Variants in SCAI observed in about 807,000 individuals in gnomAD.
SCAI encodes suppressor of cancer cell invasion, also known as protein SCAI.
In SCAI, 24 loss-of-function variants were observed where a neutral mutation model predicts 92.2. The observed-to-expected ratio is 0.26, with a 90% CI of 0.19 to 0.37. The LOEUF (loss-of-function observed/expected upper bound fraction) is 0.37. Among genes scored for constraint, SCAI ranks in the 10% least tolerant of loss-of-function variants. The pLI is 1.00. For missense variants in SCAI, 450 were observed against 736.2 expected (o/e 0.61, Z 4.50); for synonymous variants, 261 against 258.6 (o/e 1.01, Z -0.09).
intron 2 of SCAI, among the ~76,000 whole-genome samples, chr9:125,105,231 A>G (rs564125095): frequency 8.5e-5 from 13 of 152,238 alleles, no homozygotes; most frequent in Admixed American, 1.3e-4. Flanking sequence ...GCTACTCAGG[A>G]GGCTGAGGCA....
At chr9:125,052,874 A>T (rs557487481) in intron 3 of SCAI, among the ~76,000 whole-genome samples, 167 of 39,000 alleles carry the variant, frequency 4.3e-3, no homozygotes, top group African/African-American at 0.015. Context: ...AAAACCACCA[A>T]GAGACACCAT....
At chr9:125,042,432 C>A (rs894869549) in intron 3 of SCAI, among the ~76,000 whole-genome samples, 1 of 152,012 alleles carries the variant, frequency 6.6e-6, no homozygotes, top group African/African-American at 2.4e-5. Flanking sequence ...TTGATCCCTA[C>A]GTACACCTAA....
At chr9:124,994,032 G>A (rs973364449) in intron 14 of SCAI, among the ~76,000 whole-genome samples, 1 of 147,626 alleles carries the variant, frequency 6.8e-6, no homozygotes, top group Non-Finnish European at 1.5e-5. Context: ...TTTCACTGCT[G>A]GCATTTTTTT....
chr9:124,978,588 G>A (rs1831809577), intron 14 of SCAI, among the ~76,000 whole-genome samples: 1 of 152,172 alleles, frequency 6.6e-6, no homozygotes, highest in African/African-American at 2.4e-5. Context: ...TAACTTGGCA[G>A]CATCTATTAC....
intron 3 of SCAI, among the ~76,000 whole-genome samples, chr9:125,055,661 T>C (rs910227329): frequency 2.6e-5 from 4 of 152,180 alleles, no homozygotes; most frequent in African/African-American, 9.7e-5. Flanking sequence ...ATAGCTCTTT[T>C]TAAGTTGACT....
chr9:124,982,509 T>TA (rs1830289300), intron 14 of SCAI, among the ~76,000 whole-genome samples: 1 of 151,568 alleles, frequency 6.6e-6, no homozygotes, highest in Admixed American at 6.6e-5. Context: ...CCATCTCTAC[T>TA]AAAAATAAAA....
intron 3 of SCAI, among the ~76,000 whole-genome samples, chr9:125,038,996 C>A (rs569237320): frequency 7.2e-5 from 11 of 152,296 alleles, no homozygotes; most frequent in Non-Finnish European, 1.2e-4. Context: ...TATACCCGGC[C>A]AACTGATCTT....
At chr9:125,003,275 A>G in intron 10 of SCAI, 60 bp from the exon 11 acceptor site, 5 of 1,327,736 alleles carry the variant, frequency 3.8e-6, no homozygotes, top group South Asian at 1.2e-5. Context: ...TGAATTATCA[A>G]TATCTATTTT....
intron 17 of SCAI, among the ~76,000 whole-genome samples, chr9:124,966,612 C>T (rs568712680): frequency 1.4e-4 from 22 of 151,814 alleles, no homozygotes; most frequent in African/African-American, 5.3e-4. Context: ...TCATGATATA[C>T]CTTTTTCTTA....
intron 2 of SCAI, among the ~76,000 whole-genome samples, chr9:125,088,955 AC>A (rs1346057988): frequency 2.0e-5 from 3 of 151,950 alleles, no homozygotes; most frequent in African/African-American, 7.3e-5. Flanking sequence ...CAGTTGCATC[AC>A]CCCCCTACTT....
chr9:125,063,103 C>CT (rs1564398184), intron 2 of SCAI, among the ~76,000 whole-genome samples: 2 of 82,072 alleles, frequency 2.4e-5, no homozygotes, highest in African/African-American at 8.4e-5. Context: ...TAACCCCCCA[C>CT]CCCCCCCAGA....
At chr9:125,116,099 C>T (rs1302516960) in intron 2 of SCAI, among the ~76,000 whole-genome samples, 3 of 152,004 alleles carry the variant, frequency 2.0e-5, no homozygotes, top group African/African-American at 7.3e-5. Flanking sequence ...GCAGGAGAAT[C>T]GCTTGAACCT....
chr9:125,079,358 C>A (rs1387641241), intron 2 of SCAI, among the ~76,000 whole-genome samples: 2 of 152,002 alleles, frequency 1.3e-5, no homozygotes, highest in African/African-American at 4.8e-5. Context: ...AAATTGTGAG[C>A]CTTTTTATTG....
At chr9:125,085,175 T>C (rs1339537862) in intron 2 of SCAI, among the ~76,000 whole-genome samples, 2 of 152,200 alleles carry the variant, frequency 1.3e-5, no homozygotes, top group African/African-American at 4.8e-5. Flanking sequence ...ATCAATAGAC[T>C]TTAAAAGGTT....
chr9:125,135,433 A>G (rs553940197), intron 2 of SCAI, among the ~76,000 whole-genome samples: 14 of 137,168 alleles, frequency 1.0e-4, no homozygotes, highest in Admixed American at 5.0e-4. Flanking sequence ...AGGCGGATCA[A>G]TTGAGGCCAG....
chr9:125,092,688 C>CG (rs1429049078), intron 2 of SCAI, among the ~76,000 whole-genome samples: 1 of 152,232 alleles, frequency 6.6e-6, no homozygotes, highest in Non-Finnish European at 1.5e-5. Context: ...CTTCTTGCAG[C>CG]ATCACCAATG....
intron 2 of SCAI, among the ~76,000 whole-genome samples, chr9:125,119,771 G>C (rs1050721496): frequency 6.6e-6 from 1 of 152,182 alleles, no homozygotes; most frequent in Non-Finnish European, 1.5e-5. Context: ...GCACTCATTA[G>C]GGCACTGTGA....
chr9:124,992,126 C>T, intron 14 of SCAI, among the ~76,000 whole-genome samples: 1 of 152,050 alleles, frequency 6.6e-6, no homozygotes, highest in East Asian at 1.9e-4. Context: ...GCTATCTTGC[C>T]CAGCTTTGTC....
chr9:125,123,593 G>A (rs1220337655), intron 2 of SCAI, among the ~76,000 whole-genome samples: 3 of 152,108 alleles, frequency 2.0e-5, no homozygotes, highest in African/African-American at 2.4e-5. Flanking sequence ...TAGCTAACAC[G>A]TGAAACCCCG....
Sources: gnomAD v4.1 joint callset for allele counts (sites outside exome capture counted in the v4.1 genomes callset) on GRCh38, gnomAD v4.1.1 for gene constraint, MANE v1.5 for transcripts, NCBI Gene and HGNC (gene_info 2026-07-23, HGNC 2026-07-21) for gene names.